The following FAM83E variants were observed in gnomAD, a reference collection of about 807,000 sequenced individuals.
The protein encoded by FAM83E is scaffolding CK1 anchoring protein E.
FAM83E carries 29 observed loss-of-function variants against 34.3 expected under a neutral mutation model. The observed-to-expected ratio is 0.85, with a 90% CI of 0.63 to 1.15. FAM83E has a LOEUF of 1.15. Ranked by LOEUF, FAM83E falls within the 50% of genes most tolerant of loss-of-function variation. The pLI is 0.00. For missense variants in FAM83E, 697 were observed against 685.0 expected, an observed-to-expected ratio of 1.02 and a Z score of -0.20; for synonymous variants, 312 against 311.6, an observed-to-expected ratio of 1.00 and a Z score of -0.01.
chr19:48,602,821 AT>A (rs1348884275), intron 6 of FAM83E, among the ~76,000 whole-genome samples: 2 of 65,312 alleles, frequency 3.1e-5, no homozygotes, highest in African/African-American at 1.0e-4. Flanking sequence ...GTATTTATTT[AT>A]TGTTTATTAT....
rs977528570 is a variant in FAM83E, at chr19:48,610,691, A to C, written c.622T>G (p.Trp208Gly). 6.4e-7 allele frequency: 1 copy of C among 1,569,774 alleles called. No homozygotes were observed. Among genetic ancestry groups the C allele is most frequent in the Non-Finnish European group, 8.6e-7 (1 of 1,157,814 alleles). ...ELAQQLGVNP[W>G]NTENVDVRVV... ...GGCCCGGCCCCTACCTCCGTGTTCC[A>C]GGGGTTCACCCCCAGCTGCTGGGCC... The change falls in exon 4 of 7, where the codon TGG becomes GGG. Residue 208 changes from tryptophan (W) to glycine (G), a missense_variant. Physicochemically the swap from Trp to Gly is radical, Grantham distance 184. Coordinates refer to ENST00000263266, the MANE Select transcript of FAM83E (RefSeq NM_017708.4).
intron 6 of FAM83E, 107 bp from the exon 7 acceptor site, chr19:48,601,476 G>A (rs1281206111): frequency 6.7e-7 from 1 of 1,483,088 alleles, no homozygotes; most frequent in African/African-American, 1.4e-5. Flanking sequence ...CAGCGAAAGT[G>A]ACAGACGGCC....
At chr19:48,612,682 G>T (rs1035362686) in intron 3 of FAM83E, among the ~76,000 whole-genome samples, 2 of 152,120 alleles carry the variant, frequency 1.3e-5, no homozygotes, top group Non-Finnish European at 2.9e-5. Flanking sequence ...AATTACAGGC[G>T]TGAGCCACCG....
At chr19:48,611,167 TTTG>T (rs1568421523) in intron 3 of FAM83E, among the ~76,000 whole-genome samples, 2 of 151,406 alleles carry the variant, frequency 1.3e-5, no homozygotes, top group South Asian at 2.1e-4. Context: ...GTTGTTGTTT[TTTG>T]TTGTTTTTTT....
Position 48,600,924 on chromosome 19 carries a change from A to T in FAM83E, c.*185T>A. On this transcript the variant is annotated 3_prime_UTR_variant, in exon 7 of 7. Transcript: ENST00000263266. ...CACCTTAGCCTCCCAAAGTGCAGGG[A>T]TTACAGGCATGAGCCACCACTCCCG... The T allele has an allele frequency of 7.5e-7, 1 of 1,333,412 alleles. No individual in the cohort carries two copies. Among genetic ancestry groups the T allele is most frequent in the Non-Finnish European group, 9.8e-7 (1 of 1,022,316 alleles). 82.6% of individuals were successfully genotyped at this position (1,333,412 alleles called of 1,614,324 possible).
At chr19:48,607,190 G>GC in intron 5 of FAM83E, 1 of 1,613,288 alleles carries the variant, frequency 6.2e-7, no homozygotes, top group Non-Finnish European at 8.5e-7. Context: ...GCCACCAGCT[G>GC]CGGCCTTGAG....
rs1462140910 is a variant in FAM83E, at chr19:48,600,643, CTTTTTT to C, written c.*460_*465del. Among the ~76,000 whole-genome samples, 3 of 146,790 alleles carry C rather than the reference CTTTTTT, an allele frequency of 2.0e-5. No homozygotes were observed. The East Asian group carries it at 6.1e-4, about 30-fold the overall frequency. On this transcript the variant is annotated 3_prime_UTR_variant, in exon 7 of 7. Transcript: ENST00000263266. ...GCCACCTCGATCAGCCTTTCTTTTT[CTTTTTT>C]CTTTTTTTTTTTTTTTTAAAGAGAT...
chr19:48,602,825 T>TTTATTA (rs201384936), intron 6 of FAM83E, among the ~76,000 whole-genome samples: 3,995 of 113,918 alleles, frequency 0.035, 87 homozygotes, highest in South Asian at 0.054. Context: ...TTATTTATTG[T>TTTATTA]TTATTATTAT....
At position 48,607,436 on chromosome 19, in the gene FAM83E, C is replaced by T. The variant is rs1973955433; in HGVS notation, c.758+2440G>A. 2.0e-6 allele frequency: 3 copies of T among 1,475,470 alleles called. No individual in the cohort carries two copies. The Admixed American group carries it at 6.7e-5, about 33-fold the overall frequency. 91.4% of individuals were successfully genotyped at this position (1,475,470 alleles called of 1,614,324 possible). A position where few individuals can be genotyped will look rare whatever the true frequency, so the allele number is the denominator to read the frequency against. On this transcript the variant is annotated intron_variant, in intron 5 of 6. Transcript: ENST00000263266. ...CCATGTCCTTCCCCCACTAAATGGC[C>T]AGAGAGGCCCTGGACAACCTCTTGC... is the stretch of plus-strand genomic sequence containing the variant.
At chr19:48,609,011 C>T (rs1441343042) in intron 5 of FAM83E, among the ~76,000 whole-genome samples, 1 of 152,040 alleles carries the variant, frequency 6.6e-6, no homozygotes, top group Non-Finnish European at 1.5e-5. Context: ...AAAGACTTAC[C>T]CAGCCCGAGC....
Position 48,613,502 on chromosome 19 carries a change from GC to G in FAM83E, c.-131del, listed in dbSNP as rs767563542. On this transcript the variant is annotated 5_prime_UTR_variant, in exon 3 of 7. It introduces an in-frame stop codon into an upstream open reading frame of the 5' UTR. Coordinates refer to ENST00000263266, the MANE Select transcript of FAM83E (RefSeq NM_017708.4). ...CCTACGTGGCCATCCGAGGCCTCCG[GC>G]GGGGCCCTGCAGATGTCCAAATGGC... The G allele has an allele frequency of 2.2e-4, 314 of 1,428,866 alleles. No individual in the cohort carries two copies. The highest frequency in any genetic ancestry group is 3.4e-4 in the Admixed American group (12 of 34,948). 88.5% of individuals were successfully genotyped at this position (1,428,866 alleles called of 1,614,324 possible). A position where few individuals can be genotyped will look rare whatever the true frequency, so the allele number is the denominator to read the frequency against.
At position 48,613,144 on chromosome 19, in the gene FAM83E, C is replaced by G. The variant is rs765885603; in HGVS notation, c.229G>C (p.Ala77Pro). Residue 77 changes from alanine (A) to proline (P), a missense_variant, in exon 3 of 7, where the codon GCC becomes CCC. Transcript: ENST00000263266. ...GCCATCCCGCTGGGCTCCTGCTTGG[C>G]CACTGTCCAGTCTTCAGCTGCCGCT... ...LAAAAEDWTV[A>P]KQEPSGMAEG... 1.2e-6 allele frequency: 2 copies of G among 1,612,014 alleles called. No individual in the cohort carries two copies. Among genetic ancestry groups the G allele is most frequent in the East Asian group, 4.5e-5 (2 of 44,878 alleles).
Position 48,610,806 on chromosome 19 carries a change from C to T in FAM83E, c.507G>A (p.Leu169=), listed in dbSNP as rs1050296435. The change falls in exon 4 of 7, where the codon CTG becomes CTA. Residue 169 remains leucine, a synonymous_variant. Transcript: ENST00000263266. ...TGGCAGCATCCACCAAGTCCAAAAGCAGGTCTGGGTCAGTGAAGACGTCCA... is the reference window on the plus strand; with the variant it reads ...TGGCAGCATCCACCAAGTCCAAAAGTAGGTCTGGGTCAGTGAAGACGTCCA... ...VVMDVFTDPD[L]LLDLVDAATR... The T allele has an allele frequency of 1.3e-6, 2 of 1,594,264 alleles. No homozygotes were observed. The highest frequency in any genetic ancestry group is 1.1e-5 in the South Asian group (1 of 87,712).
chr19:48,611,924 C>T (rs1181625147), intron 3 of FAM83E, among the ~76,000 whole-genome samples: 1 of 152,136 alleles, frequency 6.6e-6, no homozygotes, highest in Non-Finnish European at 1.5e-5. Flanking sequence ...TTTCTGGGTG[C>T]TGGGTGCAGG....
chr19:48,603,921 G>A lies in FAM83E; in HGVS notation c.759-10C>T, dbSNP rs375862328. On this transcript the variant is annotated splice_polypyrimidine_tract_variant and intron_variant, in intron 5 of 6. Transcript: ENST00000263266. ...GTCACTCCACGTGAAGCTGGGGGTC[G>A]GGGAGTAGGGGGTCAGAGTCTCCAA... 74 of 1,588,806 alleles carry A rather than the reference G, an allele frequency of 4.7e-5. No homozygotes were observed. The African/African-American group carries it at 6.6e-4, about 14-fold the overall frequency.
intron 5 of FAM83E, chr19:48,607,230 C>T (rs1973948426): frequency 1.2e-6 from 2 of 1,612,480 alleles, no homozygotes; most frequent in Non-Finnish European, 1.7e-6. Context: ...GCGTCACCTA[C>T]AGCCTCACCA....
At position 48,601,123 on chromosome 19, in the gene FAM83E, C is replaced by A. The variant is rs1973803139; in HGVS notation, c.1423G>T (p.Gly475Trp). 1 of 1,611,854 alleles carries A rather than the reference C, an allele frequency of 6.2e-7. No homozygotes were observed. Among genetic ancestry groups the A allele is most frequent in the Non-Finnish European group, 8.5e-7 (1 of 1,179,450 alleles). ...PSDWAPRAGL[G>W]GQP ...TGGGCTCCTGTTCAGGGTTGCCCCC[C>A]AAGTCCTGCCCGGGGGGCCCAGTCT... Residue 475 changes from glycine (G) to tryptophan (W), a missense_variant, in exon 7 of 7, where the codon GGG (glycine) becomes TGG (tryptophan). Transcript: ENST00000263266.
intron 5 of FAM83E, chr19:48,607,462 G>A (rs545996803): frequency 8.1e-5 from 113 of 1,398,726 alleles, no homozygotes; most frequent in African/African-American, 1.0e-4. Context: ...AACCTCTTGC[G>A]GCCCTGGCTT....
In FAM83E at chr19:48,600,643, CT is replaced by C. The variant is rs1198479933; in HGVS notation, c.*465del. 2.7e-5 allele frequency among the ~76,000 whole-genome samples: 4 copies of C among 146,714 alleles called. No individual in the cohort carries two copies. The highest frequency in any genetic ancestry group is 6.0e-5 in the Non-Finnish European group (4 of 66,426). ...GCCACCTCGATCAGCCTTTCTTTTTCTTTTTTCTTTTTTTTTTTTTTTTAAA... is the reference window on the plus strand; with the variant it reads ...GCCACCTCGATCAGCCTTTCTTTTTCTTTTTCTTTTTTTTTTTTTTTTAAA... On this transcript the variant is annotated 3_prime_UTR_variant, in exon 7 of 7. Coordinates refer to ENST00000263266, the MANE Select transcript of FAM83E (RefSeq NM_017708.4).
Sources: gnomAD v4.1 joint callset for allele counts (sites outside exome capture counted in the v4.1 genomes callset) on GRCh38, gnomAD v4.1.1 for gene constraint, MANE v1.5 for transcripts, NCBI Gene and HGNC (gene_info 2026-07-23, HGNC 2026-07-21) for gene names.